SLC35D1: variants seen among roughly 807,000 people sequenced by gnomAD.
SLC35D1 encodes the protein nucleotide sugar transporter SLC35D1.
A neutral mutation model predicts 46.7 loss-of-function variants in SLC35D1; 31 were observed. That is an observed-to-expected ratio of 0.66 (90% CI 0.50 to 0.90). The LOEUF (loss-of-function observed/expected upper bound fraction) is 0.90. Among genes scored for constraint, SLC35D1 ranks in the 40% least tolerant of loss-of-function variants. The pLI, the probability that SLC35D1 is intolerant of heterozygous loss-of-function variation, is 0.00. For synonymous variants in SLC35D1, 195 were observed against 164.6 expected, an observed-to-expected ratio of 1.18 and a Z score of -1.41; for missense variants, 397 against 426.2, an observed-to-expected ratio of 0.93 and a Z score of 0.60.
chr1:66,982,675 T>G, the SLC35D1 span, among the ~76,000 whole-genome samples: 1 of 152,362 alleles, frequency 6.6e-6, no homozygotes, highest in South Asian at 2.1e-4. Context: ...AGCTGACTTC[T>G]TCCTGACAGA....
At chr1:66,985,402 A>G in the SLC35D1 span, 2 of 983,412 alleles carry the variant, frequency 2.0e-6, no homozygotes, top group Non-Finnish European at 2.4e-6. Context: ...TTTATTAAGG[A>G]AACCCTTACG....
chr1:67,018,511 T>C (rs1461236155), intron 10 of SLC35D1, among the ~76,000 whole-genome samples: 1 of 152,198 alleles, frequency 6.6e-6, no homozygotes, highest in Non-Finnish European at 1.5e-5. Flanking sequence ...AGAAGAGTCA[T>C]GATAGCTCAA....
chr1:66,988,463 A>G, the SLC35D1 span: 1 of 152,312 alleles, frequency 6.6e-6, no homozygotes, highest in African/African-American at 2.4e-5. Context: ...AGTTTTCCAT[A>G]AACTCTTGTC....
At chr1:67,018,072 T>C (rs1667722354) in intron 10 of SLC35D1, among the ~76,000 whole-genome samples, 1 of 152,180 alleles carries the variant, frequency 6.6e-6, no homozygotes, top group Admixed American at 6.6e-5. Flanking sequence ...CAAAGTAAAT[T>C]GATACATTGA....
intron 8 of SLC35D1, among the ~76,000 whole-genome samples, chr1:67,023,729 G>T (rs1424446418): frequency 6.6e-6 from 1 of 151,766 alleles, no homozygotes; most frequent in Admixed American, 6.6e-5. Flanking sequence ...CAAGTGATCC[G>T]CCCGCCCTAG....
At chr1:66,987,352 A>G in the SLC35D1 span, 141,061 of 152,688 alleles carry the variant, frequency 0.92, 65,240 homozygotes, top group East Asian at 1. Flanking sequence ...ATTGCATTGG[A>G]AAAAGAAGTC....
At chr1:66,982,046 A>G in the SLC35D1 span, 4 of 846,666 alleles carry the variant, frequency 4.7e-6, no homozygotes, top group South Asian at 1.7e-5. Flanking sequence ...AACACATGAG[A>G]CAAACATAAC....
In SLC35D1 at chr1:67,040,499, C is replaced by T. The variant is rs117636135; in HGVS notation, c.729+1737G>A. Reference sequence around the variant, plus strand: ...TGAAATAAGAGGCTCAAACCAGATGCTCTCTAAGGTCTCTGCTAATGTTTC... The same window carrying T: ...TGAAATAAGAGGCTCAAACCAGATGTTCTCTAAGGTCTCTGCTAATGTTTC... On this transcript the variant is annotated intron_variant, in intron 8 of 11. Transcript: ENST00000235345. 1.6e-3 allele frequency among the ~76,000 whole-genome samples: 244 copies of T among 152,306 alleles called. 5 individuals are homozygous for T. In the East Asian group the frequency reaches 0.036, roughly 23 times the overall value.
chr1:66,977,428 GA>G, the SLC35D1 span, among the ~76,000 whole-genome samples: 1 of 151,202 alleles, frequency 6.6e-6, no homozygotes, highest in African/African-American at 2.4e-5. Flanking sequence ...TTTTATAGAG[GA>G]AAAAAAACAT....
chr1:67,042,915 C>G (rs1008716285), intron 7 of SLC35D1, among the ~76,000 whole-genome samples: 1 of 151,764 alleles, frequency 6.6e-6, no homozygotes, highest in East Asian at 1.9e-4. Flanking sequence ...AATACAAAAA[C>G]AGCCAGGCGC....
chr1:66,981,912 C>A, the SLC35D1 span: 2 of 1,613,574 alleles, frequency 1.2e-6, no homozygotes, highest in African/African-American at 1.3e-5. Flanking sequence ...CACTGCTAAT[C>A]AAAATGGTAA....
intron 3 of SLC35D1, 69 bp downstream of exon 3, chr1:67,052,702 C>T (rs1645322497): frequency 6.6e-7 from 1 of 1,508,294 alleles, no homozygotes; most frequent in East Asian, 2.3e-5. Flanking sequence ...ATACGCAAGG[C>T]ACTGATAAAA....
intron 10 of SLC35D1, among the ~76,000 whole-genome samples, chr1:67,014,496 A>G (rs1667637967): frequency 6.6e-6 from 1 of 152,074 alleles, no homozygotes; most frequent in Non-Finnish European, 1.5e-5. Flanking sequence ...ATTTTTATAT[A>G]TACATGTCTA....
In SLC35D1 at chr1:67,020,374, T is replaced by C; in HGVS notation, c.871A>G (p.Ile291Val). 6.3e-7 allele frequency: 1 copy of C among 1,596,900 alleles called. No homozygotes were observed. Among genetic ancestry groups the C allele is most frequent in the African/African-American group, 1.3e-5 (1 of 74,696 alleles). The change falls in exon 10 of 12, where the codon ATT becomes GTT. Residue 291 changes from isoleucine (I) to valine (V), a missense_variant. Ile to Val is a conservative substitution (Grantham distance 29). Transcript: ENST00000235345. Reference sequence around the variant, plus strand: ...AACAGTATTTTTCTACTTACCTTAATACAGCCAACTATTGTAGTTGTAAGA... The same window carrying C: ...AACAGTATTTTTCTACTTACCTTAACACAGCCAACTATTGTAGTTGTAAGA... ...SALTTTIVGC[I>V]KNILITYIGM...
chr1:66,979,340 C>T, the SLC35D1 span, among the ~76,000 whole-genome samples: 2 of 152,146 alleles, frequency 1.3e-5, no homozygotes, highest in African/African-American at 4.8e-5. Context: ...ATTTTCTCAT[C>T]CTTCTTTTTA....
chr1:67,036,372 GT>G (rs1668123485), intron 8 of SLC35D1, among the ~76,000 whole-genome samples: 3 of 152,000 alleles, frequency 2.0e-5, no homozygotes, highest in Admixed American at 2.0e-4. Context: ...TTGCATCAGT[GT>G]TTTATAGTTT....
chr1:67,014,670 GT>G (rs34459732), intron 10 of SLC35D1, among the ~76,000 whole-genome samples: 34 of 99,976 alleles, frequency 3.4e-4, no homozygotes, highest in African/African-American at 5.7e-4. Context: ...TCAATTTTTA[GT>G]TTTTTTTTTT....
chr1:66,997,923 G>A (rs1157772108), downstream of SLC35D1, among the ~76,000 whole-genome samples: 2 of 151,580 alleles, frequency 1.3e-5, no homozygotes, highest in African/African-American at 4.8e-5. Flanking sequence ...TCAAGCATAT[G>A]AAAAGATGCT....
rs755598332 is a variant in SLC35D1, at chr1:67,004,388, CTGTT to C, written c.1016_1019del (p.Lys339SerfsTer26). ...TGTCCAGCTTGTTATTAGCCTCTGA[CTGTT>C]TGCTCAGCTGCTCTTCAGTGAAAGT... is the stretch of plus-strand genomic sequence containing the variant. On this transcript the variant is annotated frameshift_variant, in exon 12 of 12. Transcript: ENST00000235345. LOFTEE classifies it high-confidence loss of function. 1.9e-6 allele frequency: 3 copies of C among 1,614,080 alleles called. No individual in the cohort carries two copies. The highest frequency in any genetic ancestry group is 2.5e-6 in the Non-Finnish European group (3 of 1,179,962).
Sources: allele counts gnomAD v4.1 joint callset (sites outside exome capture counted in the v4.1 genomes callset), GRCh38; gene constraint gnomAD v4.1.1; transcripts MANE v1.5; gene names NCBI Gene and HGNC (gene_info 2026-07-23, HGNC 2026-07-21).